The following FPR1 variants were observed in gnomAD, a reference collection of about 807,000 sequenced individuals.
FPR1 encodes the protein N-formyl peptide receptor 1.
For synonymous variants in FPR1, 193 were observed against 176.7 expected (o/e 1.09, Z -0.73); for missense variants, 407 against 453.0 (o/e 0.90, Z 0.92).
chr19:51,746,720 G>A lies in FPR1; in HGVS notation c.275C>T (p.Pro92Leu), dbSNP rs2122323856. 4 of 1,614,152 alleles carry A rather than the reference G, an allele frequency of 2.5e-6. No individual in the cohort carries two copies. The highest frequency in any genetic ancestry group is 3.4e-6 in the Non-Finnish European group (4 of 1,180,022). Residue 92 changes from proline to leucine, a missense_variant, in exon 2 of 2, where the codon CCT (proline) becomes CTT (leucine). By Grantham distance (98) the Pro-to-Leu change is moderately conservative. Coordinates refer to ENST00000304748, the MANE Select transcript of FPR1 (RefSeq NM_002029.4). The surrounding 1 kb of genome is among the most constrained non-coding windows in gnomAD (Gnocchi z 4.3). ...MVRKAMGGHWPFGWFLCKFVF... is the reference protein window; with the variant it reads ...MVRKAMGGHWLFGWFLCKFVF... ...GAATTTGCACAGGAACCAGCCGAAA[G>A]GCCAATGTCCTCCCATGGCCTTCCT...
In FPR1 at chr19:51,746,020, G is replaced by T; in HGVS notation, c.975C>A (p.Thr325=). The T allele has an allele frequency of 1.2e-6, 2 of 1,614,116 alleles. No homozygotes were observed. Among genetic ancestry groups the T allele is most frequent in the Non-Finnish European group, 1.7e-6 (2 of 1,180,010 alleles). The change falls in exon 2 of 2, where the codon ACC becomes ACA. Residue 325 remains threonine (T), a synonymous_variant. Coordinates refer to ENST00000304748, the MANE Select transcript of FPR1 (RefSeq NM_002029.4). The surrounding 1 kb of genome is among the most constrained non-coding windows in gnomAD (Gnocchi z 4.3). Reference sequence around the variant, plus strand: ...TGTCACTGGTTTGGGTTGAGTCCTCGGTCAGGGCCCTCTCCAGACTGGCGG... The same window carrying T: ...TGTCACTGGTTTGGGTTGAGTCCTCTGTCAGGGCCCTCTCCAGACTGGCGG... ...ALPASLERAL[T]EDSTQTSDTA...
intron 1 of FPR1, among the ~76,000 whole-genome samples, chr19:51,747,903 C>T (rs548007141): frequency 6.6e-6 from 1 of 152,110 alleles, no homozygotes; most frequent in Non-Finnish European, 1.5e-5. Context: ...CTTTGGGAAG[C>T]CGAGGTAGGA....
rs2083739705 is a variant in FPR1 at position 51,745,928 on chromosome 19, C to A, written c.*14G>T. On this transcript the variant is annotated 3_prime_UTR_variant, in exon 2 of 2. Coordinates refer to ENST00000304748, the MANE Select transcript of FPR1 (RefSeq NM_002029.4). Reference sequence around the variant, plus strand: ...CTGGAGCTGGGAGCTCGAAAGTGTCCCCCAGCTCCCTCCTCACTTTGCCTG... The same window carrying A: ...CTGGAGCTGGGAGCTCGAAAGTGTCACCCAGCTCCCTCCTCACTTTGCCTG... 1 of 1,598,744 alleles carries A rather than the reference C, an allele frequency of 6.3e-7. No individual in the cohort carries two copies. Among genetic ancestry groups the A allele is most frequent in the African/African-American group, 1.3e-5 (1 of 74,678 alleles).
chr19:51,751,060 C>T (rs1042663263), intron 1 of FPR1, among the ~76,000 whole-genome samples: 6 of 152,154 alleles, frequency 3.9e-5, no homozygotes, highest in Non-Finnish European at 8.8e-5. Flanking sequence ...GGCTCTTTTG[C>T]TTTCTCCTGA....
intron 1 of FPR1, chr19:51,750,906 A>C (rs2083776517): frequency 6.6e-6 from 1 of 152,236 alleles, no homozygotes; most frequent in Admixed American, 6.5e-5. Flanking sequence ...CTGCAGATTC[A>C]TGAGAGGGCA....
In FPR1 at chr19:51,746,721, GC is replaced by G. The variant is rs757595295; in HGVS notation, c.273del (p.Trp91CysfsTer14). 2 of 1,614,150 alleles carry G rather than the reference GC, an allele frequency of 1.2e-6. No homozygotes were observed. Among genetic ancestry groups the G allele is most frequent in the South Asian group, 2.2e-5 (2 of 91,082 alleles). On this transcript the variant is annotated frameshift_variant, in exon 2 of 2. Transcript: ENST00000304748. LOFTEE classifies it low-confidence loss of function (END_TRUNC). The surrounding 1 kb of genome is among the most constrained non-coding windows in gnomAD (Gnocchi z 4.3). ...AATTTGCACAGGAACCAGCCGAAAG[GC>G]CAATGTCCTCCCATGGCCTTCCTGA... is the stretch of plus-strand genomic sequence containing the variant. Reference protein sequence around the residue: ...FMVRKAMGGHWPFGWFLCKFV... With the variant: ...FMVRKAMGGHXPFGWFLCKFV...
At position 51,746,862 on chromosome 19, in the gene FPR1, C is replaced by T. The variant is rs754359145; in HGVS notation, c.133G>A (p.Gly45Arg). 4.3e-6 allele frequency: 7 copies of T among 1,613,966 alleles called. No individual in the cohort carries two copies. Among genetic ancestry groups the T allele is most frequent in the Non-Finnish European group, 5.9e-6 (7 of 1,180,012 alleles). Residue 45 changes from glycine to arginine, a missense_variant, in exon 2 of 2, where the codon GGG (glycine) becomes AGG (arginine). Physicochemically the swap from Gly to Arg is moderately radical, Grantham distance 125. Coordinates refer to ENST00000304748, the MANE Select transcript of FPR1 (RefSeq NM_002029.4). The surrounding 1 kb of genome is among the most constrained non-coding windows in gnomAD (Gnocchi z 4.3). ...VTFVLGVLGNGLVIWVAGFRM... is the reference protein window; with the variant it reads ...VTFVLGVLGNRLVIWVAGFRM... Reference sequence around the variant, plus strand: ...AATCCAGCCACCCAGATCACAAGCCCGTTGCCCAGGACCCCGAGGACAAAG... The same window carrying T: ...AATCCAGCCACCCAGATCACAAGCCTGTTGCCCAGGACCCCGAGGACAAAG...
At chr19:51,751,321 CT>C (rs1438282184) in intron 1 of FPR1, among the ~76,000 whole-genome samples, 1 of 152,156 alleles carries the variant, frequency 6.6e-6, no homozygotes, top group Non-Finnish European at 1.5e-5. Flanking sequence ...CTCATAGTGT[CT>C]CTATATTCCA....
rs538837667 is a variant in FPR1, at chr19:51,751,303, C to T, written c.-12+511G>A. Among the ~76,000 whole-genome samples the T allele has an allele frequency of 1.4e-3, 210 of 152,300 alleles. 1 individual carries two copies. The highest frequency in any genetic ancestry group is 4.1e-3 in the South Asian group (20 of 4,828). On this transcript the variant is annotated intron_variant, in intron 1 of 1. Transcript: ENST00000304748. ...CCTCCTTCACTTATCCCTTCTCTCT[C>T]CTGCAGCCTCATAGTGTCTCTATAT...
Position 51,746,199 on chromosome 19 carries a change from CTG to C in FPR1, c.794_795del (p.Thr265SerfsTer5). Reference protein sequence around the residue: ...SPYQVVALIATVRIRELLQGM... With the variant: ...SPYQVVALIAXVRIRELLQGM... ...CCTTGCAATAACTCACGGATTCTGACTGTGGCTATAAGGGCCACCACCTGATA... is the reference window on the plus strand; with the variant it reads ...CCTTGCAATAACTCACGGATTCTGACTGGCTATAAGGGCCACCACCTGATA... On this transcript the variant is annotated frameshift_variant, in exon 2 of 2. Transcript: ENST00000304748. LOFTEE classifies it low-confidence loss of function (END_TRUNC). The surrounding 1 kb of genome is among the most constrained non-coding windows in gnomAD (Gnocchi z 4.3). 6.2e-7 allele frequency: 1 copy of C among 1,614,204 alleles called. No individual in the cohort carries two copies. Among genetic ancestry groups the C allele is most frequent in the Non-Finnish European group, 8.5e-7 (1 of 1,180,034 alleles).
chr19:51,749,809 A>G (rs1177831251), intron 1 of FPR1, among the ~76,000 whole-genome samples: 1 of 151,970 alleles, frequency 6.6e-6, no homozygotes, highest in Non-Finnish European at 1.5e-5. Flanking sequence ...TTTCAGGTGC[A>G]CGCCGCCGTG....
At chr19:51,749,934 G>A (rs929192365) in intron 1 of FPR1, among the ~76,000 whole-genome samples, 4 of 152,188 alleles carry the variant, frequency 2.6e-5, no homozygotes, top group African/African-American at 9.7e-5. Context: ...GCCTCCCAAA[G>A]TGCTAGGATT....
At chr19:51,751,652 G>A (rs2083781857) in intron 1 of FPR1, among the ~76,000 whole-genome samples, 162 bp downstream of exon 1, 1 of 152,128 alleles carries the variant, frequency 6.6e-6, no homozygotes, top group African/African-American at 2.4e-5. Context: ...CAAAGTGCTG[G>A]GATTACAAGC....
chr19:51,748,080 G>C (rs1438050158), intron 1 of FPR1, among the ~76,000 whole-genome samples: 1 of 152,138 alleles, frequency 6.6e-6, no homozygotes, highest in African/African-American at 2.4e-5. Context: ...TTGAGCCCAG[G>C]AATTCAAGGT....
chr19:51,749,906 G>A (rs919043999), intron 1 of FPR1, among the ~76,000 whole-genome samples: 2 of 152,072 alleles, frequency 1.3e-5, no homozygotes, highest in African/African-American at 4.8e-5. Flanking sequence ...CTTGAGCTCA[G>A]GCAGTCCACC....
intron 1 of FPR1, chr19:51,750,130 CAA>C (rs1218358574): frequency 2.0e-5 from 3 of 152,178 alleles, no homozygotes; most frequent in African/African-American, 4.8e-5. Flanking sequence ...CGAATTCCAG[CAA>C]AAGTCTCTTT....
intron 1 of FPR1, among the ~76,000 whole-genome samples, chr19:51,749,371 C>G (rs1489884571): frequency 6.6e-6 from 1 of 152,120 alleles, no homozygotes; most frequent in South Asian, 2.1e-4. Context: ...GTGAGTGATA[C>G]TAAACGACGT....
chr19:51,751,239 G>T (rs966055451), intron 1 of FPR1, among the ~76,000 whole-genome samples: 19 of 151,722 alleles, frequency 1.3e-4, no homozygotes, highest in African/African-American at 4.6e-4. Flanking sequence ...CCCTCTACTG[G>T]TCCCATAAAA....
intron 1 of FPR1, among the ~76,000 whole-genome samples, chr19:51,749,630 G>A (rs370642548): frequency 1.3e-5 from 2 of 151,936 alleles, no homozygotes; most frequent in African/African-American, 2.4e-5. Flanking sequence ...CTGAGAGCTG[G>A]CCTTCTCTCT....
Sources: gnomAD v4.1 joint callset for allele counts (sites outside exome capture counted in the v4.1 genomes callset) on GRCh38, gnomAD v4.1.1 for gene constraint, Gnocchi (gnomAD v3.1) non-coding constraint, MANE v1.5 for transcripts, NCBI Gene and HGNC (gene_info 2026-07-23, HGNC 2026-07-21) for gene names.